The following SP100 variants were observed in gnomAD, a reference collection of about 807,000 sequenced individuals.
The protein encoded by SP100 is SP100 nuclear body protein, also known as nuclear autoantigen Sp-100.
Under a neutral mutation model 130.0 loss-of-function variants are expected in SP100, and 84 were observed. The ratio of observed to expected loss-of-function variants is 0.65; its 90% confidence interval spans 0.54 to 0.77. The LOEUF (loss-of-function observed/expected upper bound fraction) is 0.77. Ranked by LOEUF, SP100 falls within the 30% of genes least tolerant of loss-of-function variation. The pLI, the probability that SP100 is intolerant of heterozygous loss-of-function variation, is 0.00. For synonymous variants in SP100, 331 were observed against 351.7 expected, an observed-to-expected ratio of 0.94 and a Z score of 0.66; for missense variants, 978 against 1,052.2, an observed-to-expected ratio of 0.93 and a Z score of 0.97.
intron 24 of SP100, chr2:230,538,534 A>T (rs533983462): frequency 6.6e-6 from 1 of 152,356 alleles, no homozygotes; most frequent in South Asian, 2.1e-4. Flanking sequence ...AAGGGAACAC[A>T]TGGGCAAGAT....
In SP100 at chr2:230,474,546, T is replaced by C. The variant is rs543962763; in HGVS notation, c.1600+99T>C. On this transcript the variant is annotated intron_variant, in intron 17 of 28. Transcript: ENST00000340126. ...ATCATTTTCTTTTTTCAACTTTTATTATAGATTAAAGGGTGCATTTGCAGG... is the reference window on the plus strand; with the variant it reads ...ATCATTTTCTTTTTTCAACTTTTATCATAGATTAAAGGGTGCATTTGCAGG... 1.8e-5 allele frequency: 12 copies of C among 676,940 alleles called. No homozygotes were observed. In the South Asian group the frequency reaches 2.1e-4, roughly 12 times the overall value. 41.9% of individuals were successfully genotyped at this position (676,940 alleles called of 1,614,324 possible).
intron 2 of SP100, among the ~76,000 whole-genome samples, chr2:230,425,501 C>A (rs2062900558): frequency 2.0e-5 from 3 of 152,160 alleles, no homozygotes; most frequent in African/African-American, 7.2e-5. Context: ...TTTTCTGTGT[C>A]TATTAAAATG....
chr2:230,426,739 T>C (rs1283705666), intron 2 of SP100, among the ~76,000 whole-genome samples: 1 of 152,160 alleles, frequency 6.6e-6, no homozygotes, highest in East Asian at 1.9e-4. Flanking sequence ...TTGAATGAAG[T>C]GTTCTATATA....
intron 24 of SP100, among the ~76,000 whole-genome samples, chr2:230,533,470 T>A (rs1691796763): frequency 6.6e-6 from 1 of 152,234 alleles, no homozygotes; most frequent in South Asian, 2.1e-4. Context: ...TTCTGCAGCA[T>A]AAATGTCCTC....
chr2:230,426,136 C>G (rs1297562958), intron 2 of SP100, among the ~76,000 whole-genome samples: 5 of 152,002 alleles, frequency 3.3e-5, no homozygotes, highest in African/African-American at 1.2e-4. Context: ...AGACTTGTCT[C>G]TTTTTTAACT....
Position 230,469,057 on chromosome 2 carries a change from AG to A in SP100, c.1307del (p.Arg436LysfsTer23), listed in dbSNP as rs1207906891. ...TTACTTTCTAGCTCCTATGACTTCT[AG>A]AAGTACATCTACTTGGAGAATACCC... ...KHGEKAPMTS[R>X]STSTWRIPSR... On this transcript the variant is annotated frameshift_variant, in exon 14 of 29. Transcript: ENST00000340126. LOFTEE classifies it high-confidence loss of function. 6.3e-7 allele frequency: 1 copy of A among 1,595,992 alleles called. No individual in the cohort carries two copies. The highest frequency in any genetic ancestry group is 8.6e-7 in the Non-Finnish European group (1 of 1,166,054).
chr2:230,474,012 C>T (rs1325642783), intron 16 of SP100, among the ~76,000 whole-genome samples: 1 of 152,176 alleles, frequency 6.6e-6, no homozygotes, highest in Non-Finnish European at 1.5e-5. Flanking sequence ...GATACCTACT[C>T]TTATGCTAAA....
At chr2:230,542,703 ATAAGCAACT>A in intron 28 of SP100, 124 bp from the exon 29 acceptor site, 1 of 527,424 alleles carries the variant, frequency 1.9e-6, no homozygotes, top group East Asian at 3.2e-5. Flanking sequence ...ATCAAGGAAC[ATAAGCAACT>A]CAAGTAGATT....
chr2:230,488,413 TTTG>T (rs968043722), intron 17 of SP100, among the ~76,000 whole-genome samples: 15 of 152,270 alleles, frequency 9.9e-5, no homozygotes, highest in South Asian at 2.1e-4. Flanking sequence ...TTTTGTTGTT[TTTG>T]TTGTTGTTGT....
chr2:230,472,831 A>C (rs1649890), intron 15 of SP100, among the ~76,000 whole-genome samples: 111,923 of 151,972 alleles, frequency 0.74, 41,597 homozygotes, highest in South Asian at 0.84. Flanking sequence ...ACCCAGATTA[A>C]AAAAGGCCTC....
In SP100 at chr2:230,480,908, G is replaced by T. The variant is rs530902658; in HGVS notation, c.1600+6461G>T. Among the ~76,000 whole-genome samples, 18 of 152,238 alleles carry T rather than the reference G, an allele frequency of 1.2e-4. No homozygotes were observed. The South Asian group carries it at 3.7e-3, about 32-fold the overall frequency. On this transcript the variant is annotated intron_variant, in intron 17 of 28. Transcript: ENST00000340126. ...GAAGGTGGTCTCCTTTGGGCCATGT[G>T]GATGGATGCATTCTCTTCTCTTGTC...
intron 3 of SP100, 91 bp downstream of exon 3, chr2:230,443,190 T>C: frequency 7.8e-7 from 1 of 1,283,008 alleles, no homozygotes; most frequent in Non-Finnish European, 1.1e-6. Flanking sequence ...AGGGTACAAT[T>C]TGCTAACTGA....
intron 17 of SP100, among the ~76,000 whole-genome samples, chr2:230,474,884 A>G (rs2065462762): frequency 6.6e-6 from 1 of 151,992 alleles, no homozygotes; most frequent in South Asian, 2.1e-4. Context: ...ATGGCTGCAT[A>G]GTATTTCATG....
intron 14 of SP100, 88 bp downstream of exon 14, chr2:230,469,184 T>C: frequency 2.4e-6 from 2 of 824,788 alleles, no homozygotes; most frequent in South Asian, 1.6e-5. Context: ...TCCTTTAAAA[T>C]AAAAAATTAA....
At chr2:230,433,582 G>C (rs184891952) in intron 2 of SP100, among the ~76,000 whole-genome samples, 107 of 152,142 alleles carry the variant, frequency 7.0e-4, no homozygotes, top group African/African-American at 2.4e-3. Flanking sequence ...TCAATTTGGA[G>C]AGAATTACCA....
At chr2:230,440,371 A>G (rs1251718928) in intron 2 of SP100, 1 of 316,410 alleles carries the variant, frequency 3.2e-6, no homozygotes, top group Non-Finnish European at 5.5e-6. Context: ...GTAATAAGGA[A>G]TTTGAAAAGC....
rs535529922 is a variant in SP100, at chr2:230,517,088, T to C, written c.2094+5922T>C. On this transcript the variant is annotated intron_variant, in intron 24 of 28. Transcript: ENST00000340126. ...CTGAAGGAAGATCTAGTATTATGTATCATTTGACAGTTTCTCCCATACAAT... is the reference window on the plus strand; with the variant it reads ...CTGAAGGAAGATCTAGTATTATGTACCATTTGACAGTTTCTCCCATACAAT... Among the ~76,000 whole-genome samples the C allele has an allele frequency of 9.8e-5, 15 of 152,320 alleles. No individual in the cohort carries two copies. In the East Asian group the frequency reaches 2.3e-3, roughly 23 times the overall value.
At chr2:230,481,132 T>C (rs1018727969) in intron 17 of SP100, among the ~76,000 whole-genome samples, 3 of 151,962 alleles carry the variant, frequency 2.0e-5, no homozygotes, top group African/African-American at 4.8e-5. Flanking sequence ...GCTTTCCTTG[T>C]CTCTATACTC....
chr2:230,450,026 C>G (rs1246861695), intron 7 of SP100, 146 bp from the exon 8 acceptor site: 1 of 633,854 alleles, frequency 1.6e-6, no homozygotes, highest in Non-Finnish European at 2.8e-6. Context: ...CAATGAAGCA[C>G]GAACACCTTC....
Sources: gnomAD v4.1 joint callset for allele counts (sites outside exome capture counted in the v4.1 genomes callset) on GRCh38, gnomAD v4.1.1 for gene constraint, MANE v1.5 for transcripts, NCBI Gene and HGNC (gene_info 2026-07-23, HGNC 2026-07-21) for gene names.